The following EXOC3 variants were observed in gnomAD, a reference collection of about 807,000 sequenced individuals.
EXOC3 encodes the protein SEC6-like 1.
Under a neutral mutation model 73.7 loss-of-function variants are expected in EXOC3, and 21 were observed. The ratio of observed to expected loss-of-function variants is 0.29; its 90% CI spans 0.20 to 0.41. The LOEUF is 0.41. Among genes scored for constraint, EXOC3 ranks in the 10% least tolerant of loss-of-function variants. The pLI is 1.00. For missense variants in EXOC3, 842 were observed against 985.1 expected (o/e 0.85, Z 1.95); for synonymous variants, 410 against 389.1 (o/e 1.05, Z -0.63).
intron 9 of EXOC3, among the ~76,000 whole-genome samples, chr5:463,648 C>CTATTGGAGTTTTAATTTGTATACTTT (rs1349592907): frequency 4.6e-5 from 7 of 152,080 alleles, no homozygotes; most frequent in South Asian, 2.1e-4. Flanking sequence ...TTGTACACTT[C>CTATTGGAGTTTTAATTTGTATACTTT]TATTGGAGTT....
chr5:447,783 C>A, intron 3 of EXOC3, 31 bp downstream of exon 3: 8 of 1,459,534 alleles, frequency 5.5e-6, no homozygotes, highest in Non-Finnish European at 7.4e-6. Flanking sequence ...CACTTGCCCC[C>A]ACTCACGCTG....
At chr5:459,489 C>A in intron 7 of EXOC3, 30 bp downstream of exon 7, 1 of 1,206,946 alleles carries the variant, frequency 8.3e-7, no homozygotes. Flanking sequence ...TGCTAATGTA[C>A]ACATTGAATG....
intron 10 of EXOC3, 107 bp downstream of exon 10, chr5:464,519 T>C: frequency 7.8e-7 from 1 of 1,278,186 alleles, no homozygotes; most frequent in Non-Finnish European, 1.1e-6. Flanking sequence ...GAACGTTCAC[T>C]TGTTGTCCTA....
At chr5:465,014 C>G (rs1209916957) in intron 10 of EXOC3, 97 bp from the exon 11 acceptor site, 1 of 1,331,578 alleles carries the variant, frequency 7.5e-7, no homozygotes, top group Non-Finnish European at 1.0e-6. Context: ...CTCAGAGCCT[C>G]CGGGGAGCCA....
Position 466,965 on chromosome 5 carries a change from C to A in EXOC3, c.*67C>A. The stretch of plus-strand genomic sequence containing the variant: ...CCCTGCCTTTAGAAACGCGGGACAG[C>A]TGATTGCTCTCCTTGGCCACACGTG... On this transcript the variant is annotated 3_prime_UTR_variant, in exon 13 of 13. Coordinates refer to ENST00000512944, the MANE Select transcript of EXOC3 (RefSeq NM_007277.5). The A allele has an allele frequency of 1.4e-6, 2 of 1,442,934 alleles. No homozygotes were observed. Among genetic ancestry groups the A allele is most frequent in the Non-Finnish European group, 1.9e-6 (2 of 1,062,390 alleles). The allele number at this position is 1,442,934 out of a possible 1,614,324, so 89.4% of individuals were successfully genotyped here.
Position 447,541 on chromosome 5 carries a change from C to G in EXOC3, c.153C>G (p.Ile51Met). 1 of 1,565,638 alleles carries G rather than the reference C, an allele frequency of 6.4e-7. No individual in the cohort carries two copies. Among genetic ancestry groups the G allele is most frequent in the Admixed American group, 1.8e-5 (1 of 54,226 alleles). The stretch of plus-strand genomic sequence containing the variant: ...GTGGCGTCTCTCTTTAGGCCGCCAT[C>G]CAGTCACAGTTGGACGGGGTGCGCA... The part of the protein sequence containing the change: ...ASVEARLKAA[I>M]QSQLDGVRTG... Residue 51 changes from isoleucine to methionine, a missense_variant, in exon 3 of 13, where the codon ATC becomes ATG. Transcript: ENST00000512944.
At chr5:466,192 C>T (rs1738146247) in intron 12 of EXOC3, 1 of 316,192 alleles carries the variant, frequency 3.2e-6, no homozygotes. Flanking sequence ...TTCCTCTGTG[C>T]TCATGGTGGA....
chr5:451,438 G>A (rs2126576005), intron 3 of EXOC3, among the ~76,000 whole-genome samples: 1 of 152,168 alleles, frequency 6.6e-6, no homozygotes, highest in Admixed American at 6.5e-5. Context: ...TAAAAATTAG[G>A]TAGAAAACAA....
At chr5:461,182 A>G (rs1737973398) in intron 7 of EXOC3, among the ~76,000 whole-genome samples, 1 of 150,806 alleles carries the variant, frequency 6.6e-6, no homozygotes, top group Admixed American at 6.6e-5. Flanking sequence ...ATAAAATAAG[A>G]TAATGCTTTC....
At chr5:458,415 T>G (rs965569722) in intron 6 of EXOC3, among the ~76,000 whole-genome samples, 1 of 152,210 alleles carries the variant, frequency 6.6e-6, no homozygotes, top group Non-Finnish European at 1.5e-5. Flanking sequence ...CGTCCATTAT[T>G]TTTTTTGAGA....
At chr5:466,441 G>A (rs1365589572) in intron 12 of EXOC3, 1 of 402,952 alleles carries the variant, frequency 2.5e-6, no homozygotes, top group Non-Finnish European at 4.4e-6. Context: ...GGTTAAACGT[G>A]GAAAAACGGG....
chr5:447,328 T>C (rs1009517569), intron 2 of EXOC3: 1 of 559,760 alleles, frequency 1.8e-6, no homozygotes, highest in Non-Finnish European at 3.2e-6. Context: ...GCATCATTGT[T>C]CTGTTCCCAG....
chr5:465,318 G>A, intron 11 of EXOC3, 46 bp downstream of exon 11: 5 of 1,546,738 alleles, frequency 3.2e-6, no homozygotes, highest in South Asian at 2.4e-5. Flanking sequence ...GTCGCTCCGC[G>A]GCCCTGTTCA....
intron 4 of EXOC3, among the ~76,000 whole-genome samples, chr5:455,748 C>T (rs998462130): frequency 7.9e-5 from 12 of 152,186 alleles, no homozygotes; most frequent in African/African-American, 2.4e-4. Context: ...GGACTACAGG[C>T]GCGTGCCACC....
intron 6 of EXOC3, 28 bp from the exon 7 acceptor site, chr5:459,331 C>A: frequency 7.8e-7 from 1 of 1,279,516 alleles, no homozygotes; most frequent in Non-Finnish European, 1.1e-6. Context: ...AAGATTATAC[C>A]AGAATTCATA....
At chr5:464,936 C>T (rs1738095694) in intron 10 of EXOC3, 175 bp from the exon 11 acceptor site, 2 of 677,020 alleles carry the variant, frequency 3.0e-6, no homozygotes, top group Non-Finnish European at 4.9e-6. Flanking sequence ...GTCACTGTTC[C>T]CCCACTGAGC....
rs142927762 is a variant in EXOC3, at chr5:462,250, C to T, written c.1596C>T (p.Asp532=). The change falls in exon 9 of 13, where the codon GAC becomes GAT. Residue 532 remains aspartate (D), a synonymous_variant. Coordinates refer to ENST00000512944, the MANE Select transcript of EXOC3 (RefSeq NM_007277.5). ...PSQPSMDGIL[D]AIAKEGCSGL... Reference sequence around the variant, plus strand: ...AGCCCAGCATGGACGGGATTTTAGACGCCATCGCGAAGGAGGGCTGCAGCG... The same window carrying T: ...AGCCCAGCATGGACGGGATTTTAGATGCCATCGCGAAGGAGGGCTGCAGCG... 1.1e-5 allele frequency: 18 copies of T among 1,613,956 alleles called. No individual in the cohort carries two copies. Among genetic ancestry groups the T allele is most frequent in the South Asian group, 4.4e-5 (4 of 91,088 alleles).
intron 9 of EXOC3, among the ~76,000 whole-genome samples, chr5:463,997 C>T (rs1738060231): frequency 6.6e-6 from 1 of 152,238 alleles, no homozygotes; most frequent in Admixed American, 6.5e-5. Context: ...CAAATTTTTA[C>T]CTGAGTGCGC....
intron 1 of EXOC3, among the ~76,000 whole-genome samples, chr5:443,786 G>T (rs1392950273): frequency 6.8e-6 from 1 of 147,512 alleles, no homozygotes; most frequent in Non-Finnish European, 1.5e-5. Context: ...ACTTCCTGGT[G>T]CAGGTGTCCT....
Sources: gnomAD v4.1 joint callset for allele counts (sites outside exome capture counted in the v4.1 genomes callset) on GRCh38, gnomAD v4.1.1 for gene constraint, MANE v1.5 for transcripts, NCBI Gene and HGNC (gene_info 2026-07-23, HGNC 2026-07-21) for gene names.